Variants in ZNF804A observed in about 807,000 individuals in gnomAD.
ZNF804A encodes zinc finger protein 804A.
ZNF804A carries 2 observed loss-of-function variants against 16.5 expected under a neutral mutation model. That is an observed-to-expected ratio of 0.12 (90% CI 0.05 to 0.38). The LOEUF is 0.38. Ranked by LOEUF, ZNF804A falls within the 10% of genes least tolerant of loss-of-function variation. The pLI is 0.99. For missense variants in ZNF804A, 1,473 were observed against 1,390.7 expected (o/e 1.06, Z -0.94); for synonymous variants, 534 against 489.6 (o/e 1.09, Z -1.20).
intron 1 of ZNF804A, among the ~76,000 whole-genome samples, chr2:184,851,917 G>A (rs1441289151): frequency 6.6e-6 from 1 of 151,632 alleles, no homozygotes; most frequent in African/African-American, 2.4e-5. Flanking sequence ...GTTTTACTTT[G>A]CATTTCTCTG....
In ZNF804A at chr2:184,796,727, T is replaced by C. The variant is rs189911737; in HGVS notation, c.112-69642T>C. On this transcript the variant is annotated intron_variant, in intron 1 of 3. Transcript: ENST00000302277. ...TTGAGGTGTGTCCTTAGAATGTCAG[T>C]TTGTGCTCTTTCAGTCTTTTTGATG... Among the ~76,000 whole-genome samples the C allele has an allele frequency of 2.1e-3, 326 of 152,246 alleles. 1 individual carries two copies. Among genetic ancestry groups the C allele is most frequent in the African/African-American group, 7.6e-3 (314 of 41,550 alleles).
chr2:184,908,783 A>C (rs952868011), intron 2 of ZNF804A, among the ~76,000 whole-genome samples: 1 of 152,100 alleles, frequency 6.6e-6, no homozygotes, highest in East Asian at 1.9e-4. Context: ...CAATTTCTTC[A>C]TGGTTTTACA....
chr2:184,680,668 C>T (rs1361881638), intron 1 of ZNF804A, among the ~76,000 whole-genome samples: 2 of 152,258 alleles, frequency 1.3e-5, no homozygotes, highest in Non-Finnish European at 2.9e-5. Context: ...CTTGCTCAAC[C>T]TTTACTTGTC....
At chr2:184,818,452 A>C (rs1313592594) in intron 1 of ZNF804A, among the ~76,000 whole-genome samples, 1 of 151,000 alleles carries the variant, frequency 6.6e-6, no homozygotes, top group African/African-American at 2.5e-5. Context: ...CACTAAAAAA[A>C]ATACTGTAAT....
chr2:184,667,104 G>A (rs1692266688), intron 1 of ZNF804A, among the ~76,000 whole-genome samples: 1 of 151,772 alleles, frequency 6.6e-6, no homozygotes, highest in Non-Finnish European at 1.5e-5. Flanking sequence ...ATTGTATTGA[G>A]GTAAGAAACT....
At chr2:184,868,580 G>A (rs1695919565) in intron 2 of ZNF804A, among the ~76,000 whole-genome samples, 2 of 152,040 alleles carry the variant, frequency 1.3e-5, no homozygotes, top group South Asian at 4.1e-4. Context: ...CAGTGGTGAA[G>A]TTGATTAAAA....
At chr2:184,599,194 G>A in intron 1 of ZNF804A, 124 bp downstream of exon 1, 1 of 762,388 alleles carries the variant, frequency 1.3e-6, no homozygotes, top group Non-Finnish European at 2.2e-6. Flanking sequence ...TCTGGTGGGC[G>A]TGGGGTGAGA....
chr2:184,839,528 G>A (rs1370865078), intron 1 of ZNF804A, among the ~76,000 whole-genome samples: 2 of 151,930 alleles, frequency 1.3e-5, no homozygotes, highest in Non-Finnish European at 2.9e-5. Context: ...TGATTTATAG[G>A]TGTTTTGTAG....
intron 1 of ZNF804A, among the ~76,000 whole-genome samples, chr2:184,769,852 G>T (rs192982841): frequency 6.6e-6 from 1 of 152,170 alleles, no homozygotes; most frequent in East Asian, 1.9e-4. Flanking sequence ...TGCCAAGTAA[G>T]ATATCATTAT....
intron 1 of ZNF804A, among the ~76,000 whole-genome samples, chr2:184,606,351 G>A (rs1233833227): frequency 6.6e-6 from 1 of 152,098 alleles, no homozygotes; most frequent in East Asian, 1.9e-4. Flanking sequence ...GTGCAAACAG[G>A]GGAAATGCCA....
rs563501179 is a variant in ZNF804A at position 184,722,443 on chromosome 2, T to A, written c.111+123373T>A. ...AATGTGAATACATTACAAAATCTAC[T>A]GTGAATGTTTCTGAAGACAGAAGTT... is the stretch of plus-strand genomic sequence containing the variant. On this transcript the variant is annotated intron_variant, in intron 1 of 3. Transcript: ENST00000302277. Among the ~76,000 whole-genome samples the A allele has an allele frequency of 7.9e-5, 12 of 152,174 alleles. No homozygotes were observed. The South Asian group carries it at 2.5e-3, about 32-fold the overall frequency.
At chr2:184,912,438 C>T (rs543405218) in intron 2 of ZNF804A, among the ~76,000 whole-genome samples, 148 of 151,958 alleles carry the variant, frequency 9.7e-4, no homozygotes, top group African/African-American at 3.4e-3. Flanking sequence ...GTTTGAATAT[C>T]CATTTTTCAA....
At chr2:184,713,962 A>T (rs1693174277) in intron 1 of ZNF804A, among the ~76,000 whole-genome samples, 1 of 152,150 alleles carries the variant, frequency 6.6e-6, no homozygotes, top group East Asian at 1.9e-4. Context: ...AAGCAACATG[A>T]AGAGATTTAT....
At chr2:184,791,619 C>T (rs1694545934) in intron 1 of ZNF804A, among the ~76,000 whole-genome samples, 2 of 152,006 alleles carry the variant, frequency 1.3e-5, no homozygotes, top group Admixed American at 1.3e-4. Context: ...ACCTCACTCC[C>T]AACACACACA....
chr2:184,778,487 C>A (rs571132352), intron 1 of ZNF804A, among the ~76,000 whole-genome samples: 1 of 151,612 alleles, frequency 6.6e-6, no homozygotes, highest in Non-Finnish European at 1.5e-5. Context: ...CTGAGAGGGA[C>A]AGGGATATAC....
chr2:184,713,477 T>C (rs1239090138), intron 1 of ZNF804A, among the ~76,000 whole-genome samples: 2 of 151,928 alleles, frequency 1.3e-5, no homozygotes, highest in African/African-American at 4.8e-5. Flanking sequence ...AAGTATGTCT[T>C]CCATGAGTGA....
intron 1 of ZNF804A, among the ~76,000 whole-genome samples, chr2:184,639,946 G>A (rs1049622599): frequency 1.5e-4 from 23 of 152,240 alleles, no homozygotes; most frequent in Admixed American, 3.9e-4. Context: ...AGCTTGCAGT[G>A]AGCCGAGATC....
At position 184,928,175 on chromosome 2, in the gene ZNF804A, G is replaced by A. The variant is rs550558360; in HGVS notation, c.256-5428G>A. Among the ~76,000 whole-genome samples the A allele has an allele frequency of 3.9e-5, 6 of 152,130 alleles. No individual in the cohort carries two copies. The South Asian group carries it at 1.2e-3, about 32-fold the overall frequency. ...TGCTGCTGGTTATTCAGGACCCAAG[G>A]GCTCTTCAGTTAGCAAGTGATCAAT... On this transcript the variant is annotated intron_variant, in intron 2 of 3. Transcript: ENST00000302277.
At chr2:184,889,725 G>T (rs1684952233) in intron 2 of ZNF804A, among the ~76,000 whole-genome samples, 1 of 151,828 alleles carries the variant, frequency 6.6e-6, no homozygotes, top group Non-Finnish European at 1.5e-5. Flanking sequence ...CATTGTCACT[G>T]CTACTTAATG....
Sources: allele counts gnomAD v4.1 joint callset (sites outside exome capture counted in the v4.1 genomes callset), GRCh38; gene constraint gnomAD v4.1.1; transcripts MANE v1.5; gene names NCBI Gene and HGNC (gene_info 2026-07-23, HGNC 2026-07-21).